MMP24: variants seen among roughly 807,000 people sequenced by gnomAD.
MMP24 encodes matrix metalloproteinase-24.
A neutral mutation model predicts 62.8 loss-of-function variants in MMP24; 25 were observed. That is an observed-to-expected ratio of 0.40 (90% confidence interval 0.29 to 0.56). The LOEUF is 0.56. Among genes scored for constraint, MMP24 ranks in the 20% least tolerant of loss-of-function variants. The pLI, the probability that MMP24 is intolerant of heterozygous loss-of-function variation, is 0.50. For missense variants in MMP24, 634 were observed against 853.6 expected (o/e 0.74, Z 3.21); for synonymous variants, 319 against 350.5 (o/e 0.91, Z 1.00).
Position 35,246,893 on chromosome 20 carries a change from G to A in MMP24, c.300G>A (p.Ala100=), listed in dbSNP as rs930640207. 3.1e-6 allele frequency: 5 copies of A among 1,613,878 alleles called. No homozygotes were observed. Among genetic ancestry groups the A allele is most frequent in the Admixed American group, 1.7e-5 (1 of 60,004 alleles). Residue 100 remains alanine, a synonymous_variant, in exon 2 of 9, where the codon GCG becomes GCA. Transcript: ENST00000246186. Reference sequence around the variant, plus strand: ...TTCCCTATGACTCACGGGCATCTGCGCTGCACTCAGCGAAGGCCTTGCAGT... The same window carrying A: ...TTCCCTATGACTCACGGGCATCTGCACTGCACTCAGCGAAGGCCTTGCAGT... The part of the protein sequence containing the change: ...YLLPYDSRAS[A]LHSAKALQSA...
At chr20:35,236,904 G>A (rs1293402158) in intron 1 of MMP24, among the ~76,000 whole-genome samples, 1 of 150,992 alleles carries the variant, frequency 6.6e-6, no homozygotes, top group African/African-American at 2.4e-5. Context: ...AACCCAGGAG[G>A]CAGAGGTTGC....
chr20:35,268,988 C>G (rs2060652423), intron 6 of MMP24, among the ~76,000 whole-genome samples: 1 of 146,302 alleles, frequency 6.8e-6, no homozygotes, highest in African/African-American at 2.6e-5. Flanking sequence ...GATTGCGCCA[C>G]TGCACTCCAG....
chr20:35,254,120 C>T (rs953388222), intron 3 of MMP24, among the ~76,000 whole-genome samples: 1 of 152,186 alleles, frequency 6.6e-6, no homozygotes, highest in East Asian at 1.9e-4. Context: ...CCGCCAGCCT[C>T]GGCCTCCCAA....
intron 1 of MMP24, among the ~76,000 whole-genome samples, chr20:35,242,197 T>A (rs1251159788): frequency 2.0e-5 from 3 of 152,122 alleles, no homozygotes; most frequent in African/African-American, 4.8e-5. Context: ...CTGGGCATGG[T>A]GGCACATGCC....
In MMP24 at chr20:35,276,002, G is replaced by A. The variant is rs553535758; in HGVS notation, c.*1393G>A. ...CTGAGGAGCCCTAGACAAGGCCAAT[G>A]GGTTCATCAATGCCCACTGGCTCTC... On this transcript the variant is annotated 3_prime_UTR_variant, in exon 9 of 9. Coordinates refer to ENST00000246186, the MANE Select transcript of MMP24 (RefSeq NM_006690.4). 5.8e-5 allele frequency: 23 copies of A among 398,694 alleles called. No homozygotes were observed. The highest frequency in any genetic ancestry group is 4.5e-4 in the African/African-American group (22 of 48,760). The allele number at this position is 398,694 out of a possible 1,614,324, so 24.7% of individuals were successfully genotyped here. A position where few individuals can be genotyped will look rare whatever the true frequency, so the allele number is the denominator to read the frequency against.
intron 1 of MMP24, among the ~76,000 whole-genome samples, chr20:35,239,583 G>A (rs537237698): frequency 6.6e-6 from 1 of 152,286 alleles, no homozygotes; most frequent in South Asian, 2.1e-4. Flanking sequence ...CACTTTATGA[G>A]GCCAAGGCAG....
At chr20:35,258,991 G>A (rs879120548) in intron 4 of MMP24, among the ~76,000 whole-genome samples, 1 of 152,168 alleles carries the variant, frequency 6.6e-6, no homozygotes. Flanking sequence ...GACCAGCCTG[G>A]CCAACATGGC....
chr20:35,242,193 A>G (rs1320669164), intron 1 of MMP24, among the ~76,000 whole-genome samples: 1 of 152,116 alleles, frequency 6.6e-6, no homozygotes, highest in Non-Finnish European at 1.5e-5. Flanking sequence ...TTACCTGGGC[A>G]TGGTGGCACA....
At position 35,275,785 on chromosome 20, in the gene MMP24, C is replaced by T; in HGVS notation, c.*1176C>T. 1 of 383,338 alleles carries T rather than the reference C, an allele frequency of 2.6e-6. No homozygotes were observed. The highest frequency in any genetic ancestry group is 4.6e-6 in the Non-Finnish European group (1 of 216,672). The allele number at this position is 383,338 out of a possible 1,614,324, so 23.7% of individuals were successfully genotyped here. A position where few individuals can be genotyped will look rare whatever the true frequency, so the allele number is the denominator to read the frequency against. ...AAGCAGTGTTTTCCCAGAGCTTGGCCCTTGCTGACCTCGCTCACTGGGCCC... is the reference window on the plus strand; with the variant it reads ...AAGCAGTGTTTTCCCAGAGCTTGGCTCTTGCTGACCTCGCTCACTGGGCCC... On this transcript the variant is annotated 3_prime_UTR_variant, in exon 9 of 9. Transcript: ENST00000246186.
At chr20:35,266,857 T>G (rs1600802715) in intron 5 of MMP24, among the ~76,000 whole-genome samples, 1 of 150,348 alleles carries the variant, frequency 6.7e-6, no homozygotes, top group Non-Finnish European at 1.5e-5. Context: ...TGCACTGGGG[T>G]GGGAAAGAGA....
Position 35,274,955 on chromosome 20 carries a change from A to C in MMP24, c.*346A>C. ...GGTGTCCATGAGGTACCACAGCTCC[A>C]CTCCTGGCTGGAACCCAGCACCCTC... On this transcript the variant is annotated 3_prime_UTR_variant, in exon 9 of 9. Transcript: ENST00000246186. The surrounding 1 kb of genome is among the most constrained non-coding windows in gnomAD (Gnocchi z 5.1). 3.7e-6 allele frequency: 1 copy of C among 268,802 alleles called. No individual in the cohort carries two copies. The allele number at this position is 268,802 out of a possible 1,614,324, so 16.7% of individuals were successfully genotyped here.
At chr20:35,236,411 G>T (rs1305354241) in intron 1 of MMP24, among the ~76,000 whole-genome samples, 1 of 152,096 alleles carries the variant, frequency 6.6e-6, no homozygotes, top group Non-Finnish European at 1.5e-5. Context: ...TCTGAGTATT[G>T]GTGACCAGTG....
At chr20:35,241,975 G>T (rs2425021) in intron 1 of MMP24, among the ~76,000 whole-genome samples, 1 of 152,046 alleles carries the variant, frequency 6.6e-6, no homozygotes, top group African/African-American at 2.4e-5. Flanking sequence ...TGGCAGATAG[G>T]GAGGCACTGG....
At position 35,268,852 on chromosome 20, in the gene MMP24, C is replaced by T. The variant is rs193013367; in HGVS notation, c.1195-908C>T. The stretch of plus-strand genomic sequence containing the variant: ...ACCATCCTGGCTAACATGGTGAAAC[C>T]CCATCTCTACTAAAAATATAAAAAA... On this transcript the variant is annotated intron_variant, in intron 6 of 8. Transcript: ENST00000246186. Among the ~76,000 whole-genome samples, 247 of 152,036 alleles carry T rather than the reference C, an allele frequency of 1.6e-3. 6 individuals carry two copies. The East Asian group carries it at 0.042, about 26-fold the overall frequency.
chr20:35,266,640 G>A (rs2060637112), intron 5 of MMP24, among the ~76,000 whole-genome samples: 2 of 152,170 alleles, frequency 1.3e-5, no homozygotes, highest in East Asian at 1.9e-4. Flanking sequence ...GAATCTTGCT[G>A]CTCAAAATGT....
Position 35,276,481 on chromosome 20 carries a change from C to T in MMP24, c.*1872C>T. On this transcript the variant is annotated 3_prime_UTR_variant, in exon 9 of 9. Transcript: ENST00000246186. ...GAAGCACAGAGAGGTTGTTACTTGC[C>T]CGGGCCATCCAGTGGGCTGGCTGGG... 2.5e-6 allele frequency: 1 copy of T among 394,808 alleles called. No homozygotes were observed. Among genetic ancestry groups the T allele is most frequent in the Non-Finnish European group, 4.5e-6 (1 of 223,844 alleles). 24.5% of individuals were successfully genotyped at this position (394,808 alleles called of 1,614,324 possible). A position where few individuals can be genotyped will look rare whatever the true frequency, so the allele number is the denominator to read the frequency against.
intron 1 of MMP24, among the ~76,000 whole-genome samples, chr20:35,234,837 T>A (rs937031137): frequency 2.0e-5 from 3 of 151,126 alleles, no homozygotes; most frequent in Admixed American, 2.0e-4. Flanking sequence ...AGACCAAGAG[T>A]TTGAGGTCAT....
intron 7 of MMP24, among the ~76,000 whole-genome samples, 182 bp downstream of exon 7, chr20:35,270,080 G>A (rs546701522): frequency 4.6e-5 from 7 of 152,316 alleles, no homozygotes; most frequent in African/African-American, 1.4e-4. Flanking sequence ...TGTATGTGCC[G>A]AGATTGGTGG....
chr20:35,269,843 T>G lies in MMP24; in HGVS notation c.1278T>G (p.Pro426=). Residue 426 remains proline, a synonymous_variant, in exon 7 of 9, where the codon CCT becomes CCG. Transcript: ENST00000246186. The surrounding 1 kb of genome is among the most constrained non-coding windows in gnomAD (Gnocchi z 4.6). The part of the protein sequence containing the change: ...MQIEQFWKGL[P]ARIDAAYERA... ...TCGAGCAGTTCTGGAAGGGCCTGCCTGCCCGCATCGACGCAGCCTATGAAA... is the reference window on the plus strand; with the variant it reads ...TCGAGCAGTTCTGGAAGGGCCTGCCGGCCCGCATCGACGCAGCCTATGAAA... The G allele has an allele frequency of 6.4e-7, 1 of 1,556,254 alleles. No homozygotes were observed. Among genetic ancestry groups the G allele is most frequent in the Non-Finnish European group, 8.7e-7 (1 of 1,149,840 alleles).
Sources: gnomAD v4.1 joint callset for allele counts (sites outside exome capture counted in the v4.1 genomes callset) on GRCh38, gnomAD v4.1.1 for gene constraint, Gnocchi (gnomAD v3.1) non-coding constraint, MANE v1.5 for transcripts, NCBI Gene and HGNC (gene_info 2026-07-23, HGNC 2026-07-21) for gene names.